The following CCDC171 variants were observed in gnomAD, a reference collection of about 807,000 sequenced individuals.
CCDC171 encodes coiled-coil domain-containing protein 171.
CCDC171 carries 177 observed loss-of-function variants against 168.2 expected under a neutral mutation model. The ratio of observed to expected loss-of-function variants is 1.05; its 90% confidence interval spans 0.93 to 1.19. CCDC171 has a LOEUF of 1.19. Among genes scored for constraint, CCDC171 ranks in the 50% most tolerant of loss-of-function variants. The pLI, the probability that CCDC171 is intolerant of heterozygous loss-of-function variation, is 0.00. For synonymous variants in CCDC171, 687 were observed against 540.8 expected, an observed-to-expected ratio of 1.27 and a Z score of -3.75; for missense variants, 1,991 against 1,539.0, an observed-to-expected ratio of 1.29 and a Z score of -4.91.
chr9:15,846,848 G>A lies in CCDC171; in HGVS notation c.3413+1G>A. ...AGAGTGCCCTCCGCATGGCAGCCAA[G>A]TGAGCATTTGGACCTTGGGGAGATC... On this transcript the variant is annotated splice_donor_variant, in intron 22 of 25. Transcript: ENST00000380701. LOFTEE classifies it high-confidence loss of function. The A allele has an allele frequency of 6.2e-7, 1 of 1,602,432 alleles. No individual in the cohort carries two copies. The highest frequency in any genetic ancestry group is 8.5e-7 in the Non-Finnish European group (1 of 1,173,666).
chr9:15,862,949 C>A (rs1311718775), intron 23 of CCDC171, among the ~76,000 whole-genome samples: 1 of 151,958 alleles, frequency 6.6e-6, no homozygotes, highest in African/African-American at 2.4e-5. Flanking sequence ...AAGGTAGAGG[C>A]TGAGAGCTGG....
intron 21 of CCDC171, among the ~76,000 whole-genome samples, chr9:15,810,590 C>T (rs1049465136): frequency 3.9e-5 from 6 of 152,152 alleles, no homozygotes; most frequent in South Asian, 2.1e-4. Context: ...GAGCACGGTG[C>T]GGGCGGGCCG....
At chr9:15,740,921 G>T (rs980484949) in intron 16 of CCDC171, among the ~76,000 whole-genome samples, 1 of 152,066 alleles carries the variant, frequency 6.6e-6, no homozygotes, top group African/African-American at 2.4e-5. Flanking sequence ...TGATGAGTTA[G>T]GCTGTTGAAG....
chr9:16,059,424 G>A (rs1245344836), intron 1 of CCDC171, among the ~76,000 whole-genome samples: 1 of 151,724 alleles, frequency 6.6e-6, no homozygotes, highest in Admixed American at 6.6e-5. Flanking sequence ...TGTGAGTGAT[G>A]CAAACGGCAC....
chr9:15,690,223 C>T (rs1204742031), intron 10 of CCDC171, among the ~76,000 whole-genome samples: 1 of 152,022 alleles, frequency 6.6e-6, no homozygotes, highest in African/African-American at 2.4e-5. Context: ...CGTGAAAATA[C>T]TAAAAACATT....
At chr9:15,637,906 T>C (rs2046323337) in intron 7 of CCDC171, among the ~76,000 whole-genome samples, 1 of 152,088 alleles carries the variant, frequency 6.6e-6, no homozygotes, top group Non-Finnish European at 1.5e-5. Context: ...TCTTTGCTAT[T>C]GTGAATAGTG....
chr9:15,782,158 T>C (rs959462432), intron 20 of CCDC171, among the ~76,000 whole-genome samples: 4 of 152,164 alleles, frequency 2.6e-5, no homozygotes, highest in African/African-American at 9.7e-5. Context: ...TCAGAAAAAG[T>C]GTATTGGAGA....
intron 21 of CCDC171, among the ~76,000 whole-genome samples, chr9:15,792,434 C>T (rs1391162783): frequency 6.6e-6 from 1 of 152,106 alleles, no homozygotes; most frequent in East Asian, 1.9e-4. Context: ...CCCAACCTAG[C>T]AAGGCAGGCC....
chr9:15,842,906 C>G (rs2060742896), intron 21 of CCDC171, among the ~76,000 whole-genome samples: 1 of 151,866 alleles, frequency 6.6e-6, no homozygotes, highest in East Asian at 1.9e-4. Context: ...ATTATAGAAA[C>G]TTCAGGAACT....
chr9:15,945,301 C>G (rs979310618), intron 25 of CCDC171, among the ~76,000 whole-genome samples: 1 of 148,022 alleles, frequency 6.8e-6, no homozygotes, highest in South Asian at 2.2e-4. Flanking sequence ...TGGGTTGGTT[C>G]CAAGTCTTTG....
At chr9:15,962,230 G>T (rs546065972) in intron 25 of CCDC171, among the ~76,000 whole-genome samples, 1 of 152,204 alleles carries the variant, frequency 6.6e-6, no homozygotes, top group South Asian at 2.1e-4. Flanking sequence ...CTTTACAAAG[G>T]TCTGACCTTT....
intron 1 of CCDC171, among the ~76,000 whole-genome samples, chr9:15,559,100 G>C (rs2039055979): frequency 6.6e-6 from 1 of 152,136 alleles, no homozygotes; most frequent in Admixed American, 6.5e-5. Context: ...CTGAGAGACA[G>C]TTTGTTATAA....
chr9:15,743,936 G>T (rs2055075469), intron 16 of CCDC171, among the ~76,000 whole-genome samples: 1 of 152,178 alleles, frequency 6.6e-6, no homozygotes, highest in African/African-American at 2.4e-5. Flanking sequence ...TGGAAGAAGA[G>T]AAATTATACA....
chr9:16,015,246 T>C (rs1228686918), intron 3 of CCDC171, among the ~76,000 whole-genome samples: 2 of 152,182 alleles, frequency 1.3e-5, no homozygotes, highest in Non-Finnish European at 2.9e-5. Context: ...TGGAGATGGC[T>C]TCTTAAACCT....
intron 7 of CCDC171, among the ~76,000 whole-genome samples, chr9:15,652,107 A>G (rs1441211143): frequency 1.3e-5 from 2 of 152,086 alleles, no homozygotes; most frequent in African/African-American, 4.8e-5. Context: ...AGGTTTGACT[A>G]TGTTGCCCAG....
upstream of CCDC171, among the ~76,000 whole-genome samples, chr9:16,039,557 G>A (rs533115317): frequency 2.0e-5 from 3 of 152,238 alleles, no homozygotes; most frequent in East Asian, 1.9e-4. Flanking sequence ...CCTGCAGGTC[G>A]GTAGCCCCAG....
At chr9:15,619,775 G>A (rs1410304406) in intron 6 of CCDC171, among the ~76,000 whole-genome samples, 1 of 152,192 alleles carries the variant, frequency 6.6e-6, no homozygotes, top group Non-Finnish European at 1.5e-5. Flanking sequence ...TTCAGAGCTA[G>A]AGAGGAGAAG....
At chr9:16,019,248 T>C (rs1290682170) in intron 3 of CCDC171, among the ~76,000 whole-genome samples, 1 of 152,086 alleles carries the variant, frequency 6.6e-6, no homozygotes, top group African/African-American at 2.4e-5. Context: ...CTGGAAAAAA[T>C]ATCCTTCAGA....
intron 3 of CCDC171, among the ~76,000 whole-genome samples, chr9:15,997,013 C>A (rs552081952): frequency 3.4e-4 from 52 of 152,046 alleles, no homozygotes; most frequent in African/African-American, 1.2e-3. Context: ...CAGTTTGGGT[C>A]ATTTGGGAAA....
Sources: allele counts gnomAD v4.1 joint callset (sites outside exome capture counted in the v4.1 genomes callset), GRCh38; gene constraint gnomAD v4.1.1; transcripts MANE v1.5; gene names NCBI Gene and HGNC (gene_info 2026-07-23, HGNC 2026-07-21).